PABPC4L: variants seen among roughly 807,000 people sequenced by gnomAD.
The protein encoded by PABPC4L is polyadenylate-binding protein 4-like.
For synonymous variants in PABPC4L, 169 were observed against 164.1 expected, an observed-to-expected ratio of 1.03 and a Z score of -0.23; for missense variants, 452 against 451.4, an observed-to-expected ratio of 1.00 and a Z score of -0.01.
chr4:134,142,888 T>G, the PABPC4L span, among the ~76,000 whole-genome samples: 5 of 151,632 alleles, frequency 3.3e-5, no homozygotes, highest in Admixed American at 3.3e-4. Flanking sequence ...CAATAGCACT[T>G]AACGTATTTC....
the PABPC4L span, among the ~76,000 whole-genome samples, chr4:134,155,361 A>G: frequency 6.6e-6 from 1 of 150,842 alleles, no homozygotes. Flanking sequence ...CTCTCCCCCA[A>G]CACACATTAT....
the PABPC4L span, among the ~76,000 whole-genome samples, chr4:134,005,355 G>A: frequency 6.6e-6 from 1 of 151,958 alleles, no homozygotes; most frequent in East Asian, 1.9e-4. Flanking sequence ...ATAATAATGA[G>A]TATTTTTATC....
chr4:134,123,996 G>A, the PABPC4L span, among the ~76,000 whole-genome samples: 4 of 152,028 alleles, frequency 2.6e-5, no homozygotes, highest in African/African-American at 9.7e-5. Context: ...TACAAGGTTT[G>A]ACCTTATGTT....
chr4:133,977,520 T>C, the PABPC4L span, among the ~76,000 whole-genome samples: 1 of 152,154 alleles, frequency 6.6e-6, no homozygotes. Context: ...GGCCATTTTT[T>C]TGATATTTCT....
chr4:134,131,553 A>G, the PABPC4L span, among the ~76,000 whole-genome samples: 8 of 151,828 alleles, frequency 5.3e-5, no homozygotes, highest in Non-Finnish European at 7.4e-5. Context: ...TAACAGCACA[A>G]ACAAATGAAA....
chr4:134,125,697 T>C, the PABPC4L span, among the ~76,000 whole-genome samples: 1 of 152,202 alleles, frequency 6.6e-6, no homozygotes, highest in Non-Finnish European at 1.5e-5. Context: ...GTATCTGTCA[T>C]TGTAATAGTC....
chr4:133,980,829 T>C, the PABPC4L span, among the ~76,000 whole-genome samples: 3 of 152,218 alleles, frequency 2.0e-5, no homozygotes, highest in Non-Finnish European at 4.4e-5. Context: ...TTGTTTAATA[T>C]GTACATAGCC....
At chr4:134,134,138 A>G in the PABPC4L span, among the ~76,000 whole-genome samples, 1 of 152,080 alleles carries the variant, frequency 6.6e-6, no homozygotes, top group East Asian at 1.9e-4. Context: ...ATACATTAGA[A>G]TAAAAGAGAG....
the PABPC4L span, among the ~76,000 whole-genome samples, chr4:133,999,209 T>C: frequency 6.6e-6 from 1 of 152,094 alleles, no homozygotes; most frequent in East Asian, 1.9e-4. Flanking sequence ...GTTCCTATGC[T>C]GTGTAAAACC....
the PABPC4L span, among the ~76,000 whole-genome samples, chr4:134,122,738 C>T: frequency 6.6e-6 from 1 of 151,742 alleles, no homozygotes; most frequent in Non-Finnish European, 1.5e-5. Context: ...ATTATTAATA[C>T]AAATAAAAGT....
chr4:133,953,588 G>C, the PABPC4L span, among the ~76,000 whole-genome samples: 16 of 152,058 alleles, frequency 1.1e-4, no homozygotes, highest in Non-Finnish European at 2.4e-4. Flanking sequence ...TCTTTTTCTT[G>C]CTGAATCTCA....
downstream of PABPC4L, among the ~76,000 whole-genome samples, chr4:134,195,539 T>A (rs941733978): frequency 1.3e-5 from 2 of 151,872 alleles, no homozygotes; most frequent in Admixed American, 1.3e-4. Flanking sequence ...TAAGGATTTT[T>A]AAAATATCTA....
the PABPC4L span, among the ~76,000 whole-genome samples, chr4:133,949,611 C>T: frequency 9.2e-5 from 14 of 152,166 alleles, no homozygotes; most frequent in East Asian, 1.4e-3. Flanking sequence ...TTTCTTGACC[C>T]GAGTATAATG....
the PABPC4L span, among the ~76,000 whole-genome samples, chr4:134,180,373 T>C: frequency 6.6e-6 from 1 of 151,946 alleles, no homozygotes; most frequent in East Asian, 1.9e-4. Context: ...CCAGAATCTC[T>C]AGTACAAAGC....
At chr4:134,119,132 G>A in the PABPC4L span, among the ~76,000 whole-genome samples, 1 of 151,274 alleles carries the variant, frequency 6.6e-6, no homozygotes, top group Non-Finnish European at 1.5e-5. Flanking sequence ...TCTTAAACAA[G>A]TATTATCGCA....
the PABPC4L span, among the ~76,000 whole-genome samples, chr4:133,978,520 G>A: frequency 5.3e-5 from 8 of 151,908 alleles, no homozygotes; most frequent in Non-Finnish European, 8.8e-5. Context: ...GGAGTTAGAG[G>A]TGGAAGGATA....
chr4:134,155,344 C>T, the PABPC4L span, among the ~76,000 whole-genome samples: 5 of 150,794 alleles, frequency 3.3e-5, no homozygotes, highest in East Asian at 7.7e-4. Flanking sequence ...TTTCCTATTC[C>T]TTCTTTCTCT....
At chr4:134,168,381 C>G in the PABPC4L span, among the ~76,000 whole-genome samples, 1 of 151,270 alleles carries the variant, frequency 6.6e-6, no homozygotes, top group African/African-American at 2.4e-5. Context: ...CAAGAGCAAA[C>G]CAAACCTCAA....
the PABPC4L span, among the ~76,000 whole-genome samples, chr4:134,030,714 G>C: frequency 6.6e-6 from 1 of 152,014 alleles, no homozygotes; most frequent in South Asian, 2.1e-4. Flanking sequence ...CGTATTCTCA[G>C]TGGAGAAAAA....
Sources: allele counts gnomAD v4.1 joint callset (sites outside exome capture counted in the v4.1 genomes callset), GRCh38; gene constraint gnomAD v4.1.1; transcripts MANE v1.5; gene names NCBI Gene and HGNC (gene_info 2026-07-23, HGNC 2026-07-21).